Variants in LHFPL3 observed in about 807,000 individuals in gnomAD.
The protein encoded by LHFPL3 is LHFPL tetraspan subfamily member 3 protein.
LHFPL3 carries 5 observed loss-of-function variants against 19.3 expected under a neutral mutation model. The ratio of observed to expected loss-of-function variants is 0.26; its 90% CI spans 0.14 to 0.54. The LOEUF (loss-of-function observed/expected upper bound fraction) is 0.54, where lower values mean the gene tolerates loss of function less well. Among genes scored for constraint, LHFPL3 ranks in the 20% least tolerant of loss-of-function variants. LHFPL3 has a pLI of 0.94. For missense variants in LHFPL3, 249 were observed against 307.4 expected (o/e 0.81, Z 1.42); for synonymous variants, 133 against 126.2 (o/e 1.05, Z -0.36).
At chr7:104,361,851 A>G (rs1427473996) in intron 1 of LHFPL3, among the ~76,000 whole-genome samples, 2 of 152,250 alleles carry the variant, frequency 1.3e-5, no homozygotes, top group African/African-American at 4.8e-5. Flanking sequence ...CCGGATTAAA[A>G]AAGACAGGCA....
At chr7:104,539,497 T>C (rs1232937527) in intron 1 of LHFPL3, among the ~76,000 whole-genome samples, 2 of 152,132 alleles carry the variant, frequency 1.3e-5, no homozygotes, top group Non-Finnish European at 2.9e-5. Context: ...ATATCTTATG[T>C]TGACTTCGAA....
At chr7:104,411,609 A>T (rs1052607150) in intron 1 of LHFPL3, among the ~76,000 whole-genome samples, 1 of 152,176 alleles carries the variant, frequency 6.6e-6, no homozygotes, top group African/African-American at 2.4e-5. Context: ...TAGGCTACCC[A>T]GAAGTCCTTA....
rs1289584730 is a variant in LHFPL3 at position 104,558,467 on chromosome 7, C to T, written c.446-178208C>T. Among the ~76,000 whole-genome samples the T allele has an allele frequency of 2.6e-3, 391 of 151,928 alleles. 3 individuals are homozygous for T. Among genetic ancestry groups the T allele is most frequent in the African/African-American group, 9.0e-3 (373 of 41,320 alleles). On this transcript the variant is annotated intron_variant, in intron 1 of 2. Coordinates refer to ENST00000424859, the MANE Select transcript of LHFPL3 (RefSeq NM_199000.3). Reference sequence around the variant, plus strand: ...TTTTTTCATGTGTTTTTTGGCTGCACAAATGTCTTCTTTTGAGAAGTGTCT... The same window carrying T: ...TTTTTTCATGTGTTTTTTGGCTGCATAAATGTCTTCTTTTGAGAAGTGTCT...
chr7:104,470,650 C>A (rs1792889515), intron 1 of LHFPL3, among the ~76,000 whole-genome samples: 1 of 152,050 alleles, frequency 6.6e-6, no homozygotes, highest in Non-Finnish European at 1.5e-5. Flanking sequence ...AACAGAGGGG[C>A]AAATAGGGTA....
chr7:104,668,026 C>T, intron 1 of LHFPL3: 1 of 1,613,774 alleles, frequency 6.2e-7, no homozygotes, highest in Non-Finnish European at 8.5e-7. Context: ...CTTCCCAAAT[C>T]GCCACCCTAC....
chr7:104,537,654 A>G (rs1281174829), intron 1 of LHFPL3, among the ~76,000 whole-genome samples: 2 of 152,204 alleles, frequency 1.3e-5, no homozygotes, highest in African/African-American at 4.8e-5. Context: ...GCATCTGTCA[A>G]TTTTGATTAG....
chr7:104,603,556 C>T (rs903191855), intron 1 of LHFPL3, among the ~76,000 whole-genome samples: 25 of 152,270 alleles, frequency 1.6e-4, no homozygotes, highest in Non-Finnish European at 1.5e-4. Flanking sequence ...TCCAAAGTCT[C>T]ATCTAAATCA....
chr7:104,392,656 T>C (rs1791100441), intron 1 of LHFPL3, among the ~76,000 whole-genome samples: 2 of 152,272 alleles, frequency 1.3e-5, no homozygotes, highest in South Asian at 4.1e-4. Context: ...TCTTTTTTTG[T>C]TGTGTCTCTG....
At chr7:104,563,312 T>G (rs1790050965) in intron 1 of LHFPL3, among the ~76,000 whole-genome samples, 2 of 152,250 alleles carry the variant, frequency 1.3e-5, no homozygotes, top group Admixed American at 6.5e-5. Flanking sequence ...GATCTCAGAC[T>G]GCTGTGCTAG....
intron 1 of LHFPL3, among the ~76,000 whole-genome samples, chr7:104,564,760 G>T (rs1397592625): frequency 6.6e-6 from 1 of 152,154 alleles, no homozygotes; most frequent in African/African-American, 2.4e-5. Context: ...ACAGACCACT[G>T]CTGGGACCTC....
In LHFPL3 at chr7:104,666,512, C is replaced by CT. The variant is rs71155514; in HGVS notation, c.446-70136dup. ...TTGCTGAAAATGACAGGATTTCATT[C>CT]TTTTTTTTTTTTTTTTTTTTTTTTT... On this transcript the variant is annotated intron_variant, in intron 1 of 2. Transcript: ENST00000424859. 7.8e-4 allele frequency among the ~76,000 whole-genome samples: 33 copies of CT among 42,230 alleles called. 6 individuals are homozygous for CT. The highest frequency in any genetic ancestry group is 1.8e-3 in the African/African-American group (23 of 12,728). The allele number at this position is 42,230 out of a possible 152,430, so 27.7% of individuals were successfully genotyped here.
intron 1 of LHFPL3, among the ~76,000 whole-genome samples, chr7:104,709,240 T>A (rs1470689097): frequency 1.3e-5 from 2 of 151,744 alleles, no homozygotes; most frequent in East Asian, 3.9e-4. Flanking sequence ...TTATTTTTTA[T>A]CTTTAGTATT....
At chr7:104,777,514 C>T (rs1794653356) in intron 2 of LHFPL3, among the ~76,000 whole-genome samples, 1 of 152,204 alleles carries the variant, frequency 6.6e-6, no homozygotes, top group Non-Finnish European at 1.5e-5. Context: ...AGCCACAGGG[C>T]TATTCCTAAG....
chr7:104,849,315 T>C lies in LHFPL3; in HGVS notation c.683-56872T>C, dbSNP rs118125192. 8.9e-3 allele frequency among the ~76,000 whole-genome samples: 1,362 copies of C among 152,308 alleles called. 10 individuals are homozygous for C. Among genetic ancestry groups the C allele is most frequent in the Non-Finnish European group, 0.013 (878 of 68,032 alleles). On this transcript the variant is annotated intron_variant, in intron 2 of 2. Coordinates refer to ENST00000424859, the MANE Select transcript of LHFPL3 (RefSeq NM_199000.3). ...CTCTAGATTTGGCCAGGCCTTCATG[T>C]CTTGCCATAGAGGAAACCCCAAAAC...
intron 1 of LHFPL3, among the ~76,000 whole-genome samples, chr7:104,402,732 A>T (rs549783144): frequency 6.6e-6 from 1 of 152,338 alleles, no homozygotes; most frequent in South Asian, 2.1e-4. Flanking sequence ...AGAAAATTAT[A>T]CTATTTTTTT....
chr7:104,418,877 A>C (rs1457428849), intron 1 of LHFPL3, among the ~76,000 whole-genome samples: 3 of 152,210 alleles, frequency 2.0e-5, no homozygotes, highest in Non-Finnish European at 4.4e-5. Context: ...CTGCTGTGTC[A>C]GGCACCGTGC....
At chr7:104,419,771 A>G (rs1002271869) in intron 1 of LHFPL3, among the ~76,000 whole-genome samples, 2 of 152,202 alleles carry the variant, frequency 1.3e-5, no homozygotes, top group African/African-American at 4.8e-5. Context: ...GAAAGGCTAG[A>G]GAGGATGAGA....
intron 1 of LHFPL3, among the ~76,000 whole-genome samples, chr7:104,393,088 C>T (rs1791110717): frequency 6.6e-6 from 1 of 152,142 alleles, no homozygotes; most frequent in Non-Finnish European, 1.5e-5. Flanking sequence ...CATTAGTCAT[C>T]AGTGAAATGG....
chr7:104,869,321 A>G (rs1231612618), intron 2 of LHFPL3, among the ~76,000 whole-genome samples: 2 of 152,230 alleles, frequency 1.3e-5, no homozygotes, highest in Non-Finnish European at 2.9e-5. Context: ...AATGGGAGAA[A>G]ATTTTTTGCA....
Sources: allele counts gnomAD v4.1 joint callset (sites outside exome capture counted in the v4.1 genomes callset), GRCh38; gene constraint gnomAD v4.1.1; transcripts MANE v1.5; gene names NCBI Gene and HGNC (gene_info 2026-07-23, HGNC 2026-07-21).